The following SPMAP2 variants were observed in gnomAD, a reference collection of about 807,000 sequenced individuals.
SPMAP2 encodes sperm microtubule associated protein 2.
chr19:375,955 G>A, the SPMAP2 span: 63 of 1,440,604 alleles, frequency 4.4e-5, no homozygotes, highest in East Asian at 2.0e-4. Context: ...AGTGACCTTC[G>A]CCTGCTGTCC....
chr19:371,775 T>C, the SPMAP2 span, among the ~76,000 whole-genome samples: 168 of 152,298 alleles, frequency 1.1e-3, 2 homozygotes, highest in South Asian at 1.9e-3. Flanking sequence ...ACAGCTGAGC[T>C]CCCGGGGCTG....
chr19:364,072 G>T, the SPMAP2 span, among the ~76,000 whole-genome samples: 1 of 151,582 alleles, frequency 6.6e-6, no homozygotes, highest in Non-Finnish European at 1.5e-5. Flanking sequence ...GGTGGCTCAT[G>T]CCTGTAATCC....
the SPMAP2 span, among the ~76,000 whole-genome samples, chr19:375,497 C>A: frequency 2.0e-5 from 3 of 152,160 alleles, no homozygotes; most frequent in Non-Finnish European, 4.4e-5. Flanking sequence ...CGACCAAGCC[C>A]ACACCTAGGC....
At chr19:364,102 G>A in the SPMAP2 span, among the ~76,000 whole-genome samples, 1 of 151,460 alleles carries the variant, frequency 6.6e-6, no homozygotes, top group Admixed American at 6.6e-5. Flanking sequence ...GGGAGGCCGA[G>A]GCGGGCGGAT....
chr19:373,660 G>C, the SPMAP2 span: 1 of 827,622 alleles, frequency 1.2e-6, no homozygotes, highest in Admixed American at 2.3e-5. Flanking sequence ...GGGTAGGCCA[G>C]AGAAGGACAG....
the SPMAP2 span, chr19:375,833 T>C: frequency 6.2e-7 from 1 of 1,605,668 alleles, no homozygotes; most frequent in East Asian, 2.2e-5. Context: ...GGTCCTGGCG[T>C]TCGGGGTCTG....
At chr19:362,113 C>A in the SPMAP2 span, 6 of 1,030,980 alleles carry the variant, frequency 5.8e-6, no homozygotes, top group Non-Finnish European at 8.0e-6. Flanking sequence ...CCTTCTAGCC[C>A]GCCCTCCCTT....
At chr19:362,934 T>C in the SPMAP2 span, among the ~76,000 whole-genome samples, 1 of 152,114 alleles carries the variant, frequency 6.6e-6, no homozygotes, top group Non-Finnish European at 1.5e-5. Context: ...GAGGACAGCA[T>C]GTGCTGCGAG....
chr19:366,967 G>C, the SPMAP2 span: 4 of 1,319,884 alleles, frequency 3.0e-6, no homozygotes, highest in Non-Finnish European at 4.2e-6. Context: ...CTTTCATGGG[G>C]GAGAGCTTCC....
the SPMAP2 span, chr19:374,570 G>A: frequency 6.9e-6 from 8 of 1,159,084 alleles, no homozygotes; most frequent in South Asian, 9.3e-5. Context: ...GTCTCTGAGG[G>A]AGGACTTTGG....
chr19:369,322 G>A, the SPMAP2 span, among the ~76,000 whole-genome samples: 10 of 152,292 alleles, frequency 6.6e-5, no homozygotes, highest in Admixed American at 2.0e-4. Context: ...GACCACAATG[G>A]GGAGAGCCTG....
the SPMAP2 span, chr19:372,832 G>A: frequency 2.5e-6 from 2 of 804,450 alleles, no homozygotes; most frequent in South Asian, 3.1e-5. Flanking sequence ...TGTGGGCAGA[G>A]ACAACTGGGG....
chr19:372,265 T>C, the SPMAP2 span, among the ~76,000 whole-genome samples: 53 of 152,254 alleles, frequency 3.5e-4, no homozygotes, highest in Non-Finnish European at 6.6e-4. Context: ...AAGAATTTTG[T>C]ACATAAAATA....
the SPMAP2 span, among the ~76,000 whole-genome samples, chr19:370,552 A>G: frequency 4.2e-3 from 626 of 147,386 alleles, 5 homozygotes; most frequent in African/African-American, 0.013. Context: ...GGGTTTCACC[A>G]TGTTAGCCAG....
the SPMAP2 span, chr19:375,747 G>A: frequency 4.0e-5 from 65 of 1,609,772 alleles, no homozygotes; most frequent in East Asian, 6.7e-5. Context: ...CAGGGTCTCC[G>A]GGAACTCCTC....
the SPMAP2 span, chr19:374,653 C>T: frequency 1.8e-6 from 1 of 565,942 alleles, no homozygotes; most frequent in East Asian, 3.0e-5. Flanking sequence ...CACCTGTCTC[C>T]CCTGGTCCTC....
chr19:367,022 G>T, the SPMAP2 span: 4 of 1,605,876 alleles, frequency 2.5e-6, no homozygotes, highest in Non-Finnish European at 3.4e-6. Context: ...CTTGGGATCT[G>T]AACAGGACAT....
chr19:368,963 C>A, the SPMAP2 span, among the ~76,000 whole-genome samples: 11 of 152,146 alleles, frequency 7.2e-5, no homozygotes, highest in Non-Finnish European at 1.5e-4. The surrounding 1 kb of genome is among the most constrained non-coding windows in gnomAD (Gnocchi z 4.1). Context: ...TGCAGAAAGC[C>A]GTTGCTCAGA....
At chr19:362,104 C>T in the SPMAP2 span, 1 of 923,700 alleles carries the variant, frequency 1.1e-6, no homozygotes, top group Non-Finnish European at 1.5e-6. Context: ...TTCTTTTGGC[C>T]TTCTAGCCCG....
Sources: gnomAD v4.1 joint callset for allele counts (sites outside exome capture counted in the v4.1 genomes callset) on GRCh38, gnomAD v4.1.1 for gene constraint, Gnocchi (gnomAD v3.1) non-coding constraint, MANE v1.5 for transcripts, NCBI Gene and HGNC (gene_info 2026-07-23, HGNC 2026-07-21) for gene names.